SETD5: variants seen among roughly 807,000 people sequenced by gnomAD.
SETD5 encodes SET domain containing 5.
Under a neutral mutation model 153.3 loss-of-function variants are expected in SETD5, and 44 were observed. The ratio of observed to expected loss-of-function variants is 0.29; its 90% CI spans 0.23 to 0.37. The LOEUF is 0.37. Ranked by LOEUF, SETD5 falls within the 10% of genes least tolerant of loss-of-function variation. The pLI, the probability that SETD5 is intolerant of heterozygous loss-of-function variation, is 1.00. For synonymous variants in SETD5, 716 were observed against 645.2 expected, an observed-to-expected ratio of 1.11 and a Z score of -1.66; for missense variants, 1,544 against 1,768.0, an observed-to-expected ratio of 0.87 and a Z score of 2.27.
intron 16 of SETD5, among the ~76,000 whole-genome samples, chr3:9,451,560 A>G (rs6798598): frequency 0.059 from 9,043 of 152,078 alleles, 399 homozygotes; most frequent in Admixed American, 0.12. Context: ...TGGTCCTCCT[A>G]CCTCAACCTC....
In SETD5 at chr3:9,445,482, G is replaced by C. The variant is rs182232571; in HGVS notation, c.1441-175G>C. On this transcript the variant is annotated intron_variant, in intron 12 of 22. Transcript: ENST00000402198. ...TACAAAGTCAAAAACATCCTTTGCT[G>C]GTTTTGCACCAGAGAATAGGGGTTA... 1.9e-3 allele frequency: 1,725 copies of C among 907,850 alleles called. 1 individual carries two copies. Among genetic ancestry groups the C allele is most frequent in the Non-Finnish European group, 2.6e-3 (1,552 of 595,096 alleles). The allele number at this position is 907,850 out of a possible 1,614,324, so 56.2% of individuals were successfully genotyped here.
intron 17 of SETD5, among the ~76,000 whole-genome samples, chr3:9,455,008 G>C (rs1470569367): frequency 6.6e-6 from 1 of 152,012 alleles, no homozygotes; most frequent in Admixed American, 6.6e-5. Context: ...TTACCAACTT[G>C]CTGAATAAAT....
chr3:9,422,949 G>A (rs150995731), intron 1 of SETD5, among the ~76,000 whole-genome samples: 2 of 152,320 alleles, frequency 1.3e-5, no homozygotes, highest in East Asian at 3.9e-4. Context: ...TCTTTCTGAA[G>A]CGGCACTCCT....
At chr3:9,441,553 T>A in intron 8 of SETD5, 40 bp from the exon 9 acceptor site, 1 of 1,603,226 alleles carries the variant, frequency 6.2e-7, no homozygotes, top group African/African-American at 1.3e-5. Flanking sequence ...ACTAAGGTGT[T>A]CTTGCTGTTG....
intron 1 of SETD5, among the ~76,000 whole-genome samples, chr3:9,402,635 A>G (rs956453250): frequency 2.0e-5 from 3 of 152,176 alleles, no homozygotes; most frequent in African/African-American, 7.2e-5. Flanking sequence ...TCGTTGTGGT[A>G]TAAGGATTCC....
intron 1 of SETD5, among the ~76,000 whole-genome samples, chr3:9,419,076 C>T (rs555003025): frequency 1.3e-5 from 2 of 152,254 alleles, no homozygotes; most frequent in African/African-American, 4.8e-5. Context: ...ATCCACCCGC[C>T]TTGGCCTCCC....
intron 18 of SETD5, among the ~76,000 whole-genome samples, chr3:9,465,933 A>G (rs2044500408): frequency 6.6e-6 from 1 of 152,190 alleles, no homozygotes; most frequent in Admixed American, 6.5e-5. Context: ...AGGGCATAAG[A>G]TTATAGGAAT....
chr3:9,403,905 G>A (rs2035237585), intron 1 of SETD5, among the ~76,000 whole-genome samples: 1 of 152,034 alleles, frequency 6.6e-6, no homozygotes, highest in Non-Finnish European at 1.5e-5. Flanking sequence ...TAAAATAAAT[G>A]TTTTGCGTCA....
rs903600741 is a variant in SETD5, at chr3:9,455,168, CTTTTTTTTTTTT to C, written c.2476+1311_2476+1322del. Reference sequence around the variant, plus strand: ...GTGAATTGCCTTTTTTTCTTTTTTTCTTTTTTTTTTTTTTTTTTTTTTGAAATGGAGAATCAA... The same window carrying C: ...GTGAATTGCCTTTTTTTCTTTTTTTCTTTTTTTTTTGAAATGGAGAATCAA... On this transcript the variant is annotated intron_variant, in intron 17 of 22. Transcript: ENST00000402198. 4.8e-3 allele frequency among the ~76,000 whole-genome samples: 476 copies of C among 99,912 alleles called. 5 individuals carry two copies. Among genetic ancestry groups the C allele is most frequent in the African/African-American group, 0.018 (460 of 25,286 alleles). The allele number at this position is 99,912 out of a possible 152,430, so 65.5% of individuals were successfully genotyped here.
chr3:9,472,239 G>A (rs2045383145), intron 19 of SETD5, among the ~76,000 whole-genome samples: 1 of 152,182 alleles, frequency 6.6e-6, no homozygotes, highest in South Asian at 2.1e-4. Context: ...TTAAGCATAT[G>A]CCAAATTCTG....
intron 19 of SETD5, 25 bp from the exon 20 acceptor site, chr3:9,473,211 T>C (rs746797062): frequency 1.2e-6 from 2 of 1,602,914 alleles, no homozygotes; most frequent in South Asian, 1.1e-5. Context: ...TACCGTTTTT[T>C]GTTTGTTTGT....
At position 9,475,760 on chromosome 3, in the gene SETD5, G is replaced by A. The variant is rs373417594; in HGVS notation, c.3998G>A (p.Ser1333Asn). 2 of 1,614,002 alleles carry A rather than the reference G, an allele frequency of 1.2e-6. No individual in the cohort carries two copies. Among genetic ancestry groups the A allele is most frequent in the Non-Finnish European group, 1.7e-6 (2 of 1,179,856 alleles). The change falls in exon 23 of 23, where the codon AGC (serine) becomes AAC (asparagine). Residue 1333 changes from serine to asparagine, a missense_variant. Ser to Asn is a conservative substitution (Grantham distance 46). Coordinates refer to ENST00000402198, the MANE Select transcript of SETD5 (RefSeq NM_001080517.3). ...CCACATTCTGGAAACAGCACTGGCA[G>A]CAATCTTCCAAGGAGGAGCTGCCCT... Reference protein sequence around the residue: ...SQPHSGNSTGSNLPRRSCPSS... With the variant: ...SQPHSGNSTGNNLPRRSCPSS...
chr3:9,400,324 A>T (rs1235943840), intron 1 of SETD5, among the ~76,000 whole-genome samples: 4 of 152,186 alleles, frequency 2.6e-5, no homozygotes, highest in African/African-American at 9.7e-5. Flanking sequence ...TTAATTTTTC[A>T]ATCAGTTTAA....
chr3:9,445,189 A>G lies in SETD5; in HGVS notation c.1329A>G (p.Lys443=). ...TTGGAGCAGAGACTAGACGTAGAAA[A>G]GCACGACGGAAAGAGCTAGAGATGG... ...PTIGAETRRR[K]ARRKELEMEQ... Residue 443 remains lysine (K), a synonymous_variant, in exon 12 of 23, where the codon AAA becomes AAG. Transcript: ENST00000402198. The G allele has an allele frequency of 6.2e-7, 1 of 1,613,952 alleles. No homozygotes were observed. Among genetic ancestry groups the G allele is most frequent in the Non-Finnish European group, 8.5e-7 (1 of 1,179,840 alleles).
intron 3 of SETD5, chr3:9,431,152 A>G: frequency 1.0e-6 from 1 of 985,444 alleles, no homozygotes; most frequent in Non-Finnish European, 1.2e-6. Flanking sequence ...TATATGCAAT[A>G]CGCATTTATT....
intron 18 of SETD5, among the ~76,000 whole-genome samples, chr3:9,469,639 A>C (rs2045061792): frequency 1.3e-5 from 2 of 152,186 alleles, no homozygotes; most frequent in South Asian, 4.1e-4. Flanking sequence ...TAATTTGAAG[A>C]CTGATATGGT....
At chr3:9,417,945 T>G (rs1404893244) in intron 1 of SETD5, among the ~76,000 whole-genome samples, 3 of 148,396 alleles carry the variant, frequency 2.0e-5, no homozygotes, top group Non-Finnish European at 3.0e-5. Flanking sequence ...GAGTTTTGTT[T>G]TTTTTTTTTT....
intron 3 of SETD5, chr3:9,430,253 C>T (rs1357453766): frequency 1.5e-5 from 15 of 984,554 alleles, no homozygotes; most frequent in African/African-American, 3.5e-5. Flanking sequence ...TATAACTTAC[C>T]TGTTTACTGA....
intron 7 of SETD5, 80 bp downstream of exon 7, chr3:9,435,986 T>G (rs2040518077): frequency 7.4e-7 from 1 of 1,354,058 alleles, no homozygotes; most frequent in Non-Finnish European, 1.0e-6. Flanking sequence ...CAAAATTCTT[T>G]TAAGAAGTTT....
Sources: allele counts gnomAD v4.1 joint callset (sites outside exome capture counted in the v4.1 genomes callset), GRCh38; gene constraint gnomAD v4.1.1; transcripts MANE v1.5; gene names NCBI Gene and HGNC (gene_info 2026-07-23, HGNC 2026-07-21).